Variants in MARCO observed in about 807,000 individuals in gnomAD.
MARCO encodes the protein macrophage receptor with collagenous structure, also known as macrophage receptor MARCO.
MARCO carries 72 observed loss-of-function variants against 70.0 expected under a neutral mutation model. That is an observed-to-expected ratio of 1.03 (90% CI 0.85 to 1.25). The LOEUF (loss-of-function observed/expected upper bound fraction) is 1.25, where lower values mean the gene tolerates loss of function less well. Among genes scored for constraint, MARCO ranks in the 50% most tolerant of loss-of-function variants. MARCO has a pLI of 0.00. For missense variants in MARCO, 696 were observed against 659.3 expected (o/e 1.06, Z -0.61); for synonymous variants, 273 against 243.1 (o/e 1.12, Z -1.14).
intron 13 of MARCO, 69 bp downstream of exon 13, chr2:118,990,702 G>A: frequency 6.7e-7 from 1 of 1,492,802 alleles, no homozygotes; most frequent in East Asian, 2.3e-5. Context: ...CAGAGGGCAG[G>A]TCTTGTTGAC....
At chr2:118,977,966 G>C (rs757153890) in intron 8 of MARCO, 31 bp downstream of exon 8, 1 of 1,486,916 alleles carries the variant, frequency 6.7e-7, no homozygotes, top group Admixed American at 1.9e-5. Flanking sequence ...GTCGGTGCTT[G>C]CCAGGAGGCC....
At chr2:118,986,689 GAAAGAAAGAA>G (rs1680510310) in intron 12 of MARCO, among the ~76,000 whole-genome samples, 1 of 51,504 alleles carries the variant, frequency 1.9e-5, no homozygotes, top group Non-Finnish European at 4.2e-5. Flanking sequence ...AAGAAAGAAA[GAAAGAAAGAA>G]AGAAAGAAAG....
At chr2:118,953,648 G>A (rs1298323382) in intron 1 of MARCO, among the ~76,000 whole-genome samples, 6 of 152,138 alleles carry the variant, frequency 3.9e-5, no homozygotes, top group African/African-American at 1.2e-4. Flanking sequence ...TCAACTGCAA[G>A]AACAAACCAG....
At chr2:118,986,680 A>AG (rs1680508116) in intron 12 of MARCO, among the ~76,000 whole-genome samples, 3 of 50,870 alleles carry the variant, frequency 5.9e-5, no homozygotes, top group African/African-American at 1.9e-4. Flanking sequence ...AAGGAAAGAA[A>AG]GAAAGAAAGA....
At position 118,974,577 on chromosome 2, in the gene MARCO, C is replaced by T; in HGVS notation, c.613+12C>T. 6.2e-7 allele frequency: 1 copy of T among 1,611,132 alleles called. No homozygotes were observed. The highest frequency in any genetic ancestry group is 8.5e-7 in the Non-Finnish European group (1 of 1,179,026). On this transcript the variant is annotated intron_variant, in intron 6 of 16. Coordinates refer to ENST00000327097, the MANE Select transcript of MARCO (RefSeq NM_006770.4). ...CAAGGGAGAGGCGGGTGAGTAGGTG[C>T]TGGGTATGTACCCAGAAATACACAG...
At chr2:118,942,697 A>C (rs763034018) in intron 1 of MARCO, among the ~76,000 whole-genome samples, 1 of 152,066 alleles carries the variant, frequency 6.6e-6, no homozygotes, top group Non-Finnish European at 1.5e-5. Context: ...TTTTTAATGA[A>C]TGTCTTATTC....
intron 1 of MARCO, among the ~76,000 whole-genome samples, chr2:118,957,315 C>T (rs993351254): frequency 1.1e-4 from 16 of 151,884 alleles, no homozygotes; most frequent in African/African-American, 3.9e-4. Context: ...TTACAACTGA[C>T]ACCATTGAAA....
chr2:118,985,493 C>T (rs373405509), intron 12 of MARCO, among the ~76,000 whole-genome samples: 3 of 152,122 alleles, frequency 2.0e-5, no homozygotes, highest in East Asian at 3.9e-4. Context: ...AAATTCTTCC[C>T]ATTCTGGTGG....
intron 12 of MARCO, among the ~76,000 whole-genome samples, chr2:118,986,672 G>GGAAGGAAGGAAAGAAAGAAAGAAAGAAA (rs1680505947): frequency 1.2e-4 from 6 of 48,692 alleles, no homozygotes; most frequent in South Asian, 9.8e-4. Flanking sequence ...AAGGAAGGAA[G>GGAAGGAAGGAAAGAAAGAAAGAAAGAAA]GAAAGAAAGA....
At chr2:118,959,757 T>G (rs536661470) in intron 1 of MARCO, among the ~76,000 whole-genome samples, 3 of 152,142 alleles carry the variant, frequency 2.0e-5, no homozygotes, top group Admixed American at 2.0e-4. Flanking sequence ...GAAACTGTGG[T>G]GTATATATGA....
intron 2 of MARCO, 123 bp downstream of exon 2, chr2:118,969,384 GA>G: frequency 2.9e-6 from 2 of 701,690 alleles, no homozygotes; most frequent in Non-Finnish European, 5.0e-6. Context: ...TCTGCTGGGA[GA>G]CAGTCTCAGC....
At chr2:118,977,684 C>A (rs563427300) in intron 7 of MARCO, 144 bp from the exon 8 acceptor site, 2 of 820,186 alleles carry the variant, frequency 2.4e-6, no homozygotes, top group African/African-American at 1.7e-5. Context: ...TCAAGACCAC[C>A]CAAGAAATGA....
At chr2:118,967,221 A>G (rs946443919) in intron 1 of MARCO, among the ~76,000 whole-genome samples, 2 of 152,236 alleles carry the variant, frequency 1.3e-5, no homozygotes, top group African/African-American at 4.8e-5. Flanking sequence ...GGTGTCCTGA[A>G]GCAGGACGGG....
At chr2:118,948,711 T>A (rs1170154779) in intron 1 of MARCO, among the ~76,000 whole-genome samples, 1 of 152,234 alleles carries the variant, frequency 6.6e-6, no homozygotes, top group Non-Finnish European at 1.5e-5. Flanking sequence ...CTTAGTTGTT[T>A]TGATTAACTC....
At chr2:118,977,392 A>T in intron 6 of MARCO, 79 bp from the exon 7 acceptor site, 1 of 1,162,344 alleles carries the variant, frequency 8.6e-7, no homozygotes, top group Non-Finnish European at 1.3e-6. Context: ...AACTAAGGGA[A>T]TCTAGAATGT....
In MARCO at chr2:118,942,318, T is replaced by C; in HGVS notation, c.18T>C (p.Ile6=). The C allele has an allele frequency of 6.2e-7, 1 of 1,613,370 alleles. No individual in the cohort carries two copies. Among genetic ancestry groups the C allele is most frequent in the Non-Finnish European group, 8.5e-7 (1 of 1,179,496 alleles). MRNKK[I]LKEDELLSET... The stretch of plus-strand genomic sequence containing the variant: ...GCTTGGCAATGAGAAATAAGAAAAT[T>C]CTCAAGGAGGACGAGCTCTTGAGTG... The change falls in exon 1 of 17, where the codon ATT becomes ATC. Residue 6 remains isoleucine, a synonymous_variant. Transcript: ENST00000327097.
At position 118,982,139 on chromosome 2, in the gene MARCO, CACT is replaced by C. The variant is rs76664794; in HGVS notation, c.902-13_902-11del. The C allele has an allele frequency of 5.6e-3, 8,883 of 1,589,078 alleles. 42 individuals carry two copies. The highest frequency in any genetic ancestry group is 5.8e-3 in the Non-Finnish European group (6,764 of 1,161,292). The stretch of plus-strand genomic sequence containing the variant: ...CTGCCAACCACCACAGCCTGGCAGT[CACT>C]ACTTTCCTTTCAGGACAACCTGGAC... On this transcript the variant is annotated splice_polypyrimidine_tract_variant and intron_variant, in intron 10 of 16. Transcript: ENST00000327097.
intron 6 of MARCO, among the ~76,000 whole-genome samples, chr2:118,975,191 T>A (rs898589559): frequency 1.3e-5 from 2 of 152,130 alleles, no homozygotes; most frequent in South Asian, 2.1e-4. Flanking sequence ...CCCAGAGCTG[T>A]CCCTCCCCAG....
intron 1 of MARCO, chr2:118,949,240 C>T (rs1679671391): frequency 6.6e-6 from 1 of 152,134 alleles, no homozygotes; most frequent in Admixed American, 6.5e-5. Context: ...GAGGACCATG[C>T]TAGTGGAAAG....
Sources: gnomAD v4.1 joint callset for allele counts (sites outside exome capture counted in the v4.1 genomes callset) on GRCh38, gnomAD v4.1.1 for gene constraint, MANE v1.5 for transcripts, NCBI Gene and HGNC (gene_info 2026-07-23, HGNC 2026-07-21) for gene names.